The following CCNB3 variants were observed in gnomAD, a reference collection of about 807,000 sequenced individuals.
CCNB3 encodes cyclin B3.
Under a neutral mutation model 68.0 loss-of-function variants are expected in CCNB3, and 12 were observed. The observed-to-expected ratio is 0.18, with a 90% CI of 0.11 to 0.29. CCNB3 has a LOEUF of 0.29. Among genes scored for constraint, CCNB3 ranks in the 10% least tolerant of loss-of-function variants. The pLI, the probability that CCNB3 is intolerant of heterozygous loss-of-function variation, is 1.00. For missense variants in CCNB3, 904 were observed against 993.1 expected (o/e 0.91, Z 1.21); for synonymous variants, 354 against 388.9 (o/e 0.91, Z 1.06).
chrX:50,219,599 C>T, intron 1 of CCNB3, among the ~76,000 whole-genome samples: 1 of 110,805 alleles, frequency 9.0e-6, no homozygotes, highest in Non-Finnish European at 1.9e-5. Flanking sequence ...GGCATTATTT[C>T]TGAGGCCTCT....
intron 5 of CCNB3, among the ~76,000 whole-genome samples, chrX:50,299,226 G>A (rs782102137): frequency 5.4e-5 from 6 of 110,997 alleles, no homozygotes; most frequent in Non-Finnish European, 1.1e-4. Context: ...TGTGATGTTA[G>A]GGTGTCCATT....
chrX:50,335,207 T>G (rs1463002698), intron 8 of CCNB3, among the ~76,000 whole-genome samples: 1 of 111,901 alleles, frequency 8.9e-6, no homozygotes, highest in Non-Finnish European at 1.9e-5. Context: ...GGAAGCTGGG[T>G]CCAAGGGTAC....
chrX:50,335,621 C>T (rs1304604712), intron 8 of CCNB3, among the ~76,000 whole-genome samples: 1 of 112,051 alleles, frequency 8.9e-6, no homozygotes, highest in African/African-American at 3.2e-5. Context: ...TCTATGAGTA[C>T]AGGGTCTTGG....
chrX:50,330,612 C>CTGAAGAAGT (rs1557217936), intron 8 of CCNB3, among the ~76,000 whole-genome samples: 4 of 112,082 alleles, frequency 3.6e-5, no homozygotes, highest in Non-Finnish European at 7.5e-5. Flanking sequence ...AGCTTTTTAT[C>CTGAAGAAGT]ACTTGAAGAA....
intron 1 of CCNB3, among the ~76,000 whole-genome samples, chrX:50,226,718 C>T (rs1420491339): frequency 4.5e-5 from 3 of 66,362 alleles, no homozygotes; most frequent in Admixed American, 2.4e-4. Flanking sequence ...AATATGTACA[C>T]AGAATATACA....
chrX:50,279,046 T>G (rs1936008374), intron 1 of CCNB3, among the ~76,000 whole-genome samples: 1 of 55,784 alleles, frequency 1.8e-5, no homozygotes, highest in East Asian at 5.6e-4. Context: ...AATATAGATA[T>G]TGAATATATA....
At chrX:50,351,439 C>T (rs1298488275) in intron 12 of CCNB3, 68 bp downstream of exon 12, 17 of 1,134,442 alleles carry the variant, frequency 1.5e-5, no homozygotes, top group East Asian at 6.0e-5. Flanking sequence ...AATACTAGAC[C>T]GAGACTAGCC....
Position 50,281,330 on chromosome X carries a change from G to A in CCNB3, c.-112-3212G>A, listed in dbSNP as rs532621948. 1.6e-4 allele frequency among the ~76,000 whole-genome samples: 18 copies of A among 110,857 alleles called. No individual in the cohort carries two copies. In the South Asian group the frequency reaches 6.6e-3, roughly 41 times the overall value. ...GCTGGTGGAGGGTCGCAGGTGTCAG[G>A]TTGAGACGGACTCGAGTCGCTATAG... On this transcript the variant is annotated intron_variant, in intron 1 of 12. Transcript: ENST00000376042.
chrX:50,227,036 T>G (rs1308229464), intron 1 of CCNB3, among the ~76,000 whole-genome samples: 1 of 77,828 alleles, frequency 1.3e-5, no homozygotes, highest in Non-Finnish European at 2.3e-5. Flanking sequence ...TACAAATATA[T>G]AGAATATATA....
At chrX:50,291,190 T>C (rs1306080851) in intron 4 of CCNB3, among the ~76,000 whole-genome samples, 2 of 112,361 alleles carry the variant, frequency 1.8e-5, no homozygotes, top group East Asian at 5.6e-4. Flanking sequence ...GAAGGACTTA[T>C]GATATTTAAG....
rs1557214176 is a variant in CCNB3 at position 50,309,378 on chromosome X, G to T, written c.1209G>T (p.Leu403Phe). The change falls in exon 6 of 13, where the codon TTG becomes TTT. Residue 403 changes from leucine (L) to phenylalanine (F), a missense_variant. Physicochemically the swap from Leu to Phe is conservative, Grantham distance 22. This residue lies in a region of CCNB3 where 619 missense variants were observed against 609.8 expected (regional missense o/e 1.02). Coordinates refer to ENST00000376042, the MANE Select transcript of CCNB3 (RefSeq NM_033031.3). ...GGTCCCGTCTGAAGCCATTAGTATT[G>T]CAGGAGATCACCTCTGGAGAGAAGT... ...GKRSRLKPLV[L>F]QEITSGEKSL... The T allele has an allele frequency of 2.5e-6, 3 of 1,211,544 alleles. No individual in the cohort carries two copies. Among genetic ancestry groups the T allele is most frequent in the South Asian group, 1.8e-5 (1 of 56,933 alleles).
chrX:50,346,362 G>A (rs1204739003), intron 9 of CCNB3, among the ~76,000 whole-genome samples: 1 of 111,900 alleles, frequency 8.9e-6, no homozygotes, highest in African/African-American at 3.3e-5. Flanking sequence ...CTGCTCCTAG[G>A]CCCTGTGCCC....
At chrX:50,217,570 C>G (rs2146983169) in intron 1 of CCNB3, among the ~76,000 whole-genome samples, 1 of 111,133 alleles carries the variant, frequency 9.0e-6, no homozygotes, top group South Asian at 3.8e-4. Flanking sequence ...CCGCACCCGG[C>G]CATTTTTCCC....
intron 10 of CCNB3, among the ~76,000 whole-genome samples, 177 bp downstream of exon 10, chrX:50,346,984 T>C (rs868936100): frequency 9.1e-6 from 1 of 110,107 alleles, no homozygotes; most frequent in African/African-American, 3.3e-5. Flanking sequence ...TAGTGGGAGG[T>C]GGGTGGGGGT....
At chrX:50,294,837 C>T (rs781809453) in intron 4 of CCNB3, 26 bp from the exon 5 acceptor site, 1 of 1,180,334 alleles carries the variant, frequency 8.5e-7, no homozygotes, top group African/African-American at 1.8e-5. Context: ...CTTCCCCTGC[C>T]CCCCAACCCA....
chrX:50,221,554 G>C (rs1935673810), intron 1 of CCNB3, among the ~76,000 whole-genome samples: 1 of 111,459 alleles, frequency 9.0e-6, no homozygotes, highest in African/African-American at 3.3e-5. Flanking sequence ...TCAGGAGCAG[G>C]GTGTTCAGTT....
intron 1 of CCNB3, among the ~76,000 whole-genome samples, chrX:50,219,447 A>G (rs1404628418): frequency 9.0e-6 from 1 of 111,058 alleles, no homozygotes; most frequent in Non-Finnish European, 1.9e-5. Context: ...TAATTTTTGT[A>G]TAAGGCATAA....
In CCNB3 at chrX:50,336,384, C is replaced by T. The variant is rs143909693; in HGVS notation, c.3517-5818C>T. On this transcript the variant is annotated intron_variant, in intron 8 of 12. Transcript: ENST00000376042. ...TAAGTCGGTGTTTCACCTGGCCTGGCGTTCGCCTTCCTTACGGCTTTCTCT... is the reference window on the plus strand; with the variant it reads ...TAAGTCGGTGTTTCACCTGGCCTGGTGTTCGCCTTCCTTACGGCTTTCTCT... 3.8e-3 allele frequency among the ~76,000 whole-genome samples: 421 copies of T among 112,055 alleles called. 1 individual carries two copies. The highest frequency in any genetic ancestry group is 0.013 in the African/African-American group (389 of 30,853).
intron 8 of CCNB3, among the ~76,000 whole-genome samples, chrX:50,336,088 G>A (rs191169719): frequency 1.7e-4 from 19 of 111,672 alleles, no homozygotes; most frequent in African/African-American, 4.2e-4. Context: ...AATCCTGACC[G>A]TGGGCTCCTT....
Sources: allele counts gnomAD v4.1 joint callset (sites outside exome capture counted in the v4.1 genomes callset), GRCh38; gene constraint gnomAD v4.1.1; regional missense constraint gnomAD v4.1.1; transcripts MANE v1.5; gene names NCBI Gene and HGNC (gene_info 2026-07-23, HGNC 2026-07-21).